RNF216: variants seen among roughly 807,000 people sequenced by gnomAD.
RNF216 encodes ring finger protein 216.
A neutral mutation model predicts 110.8 loss-of-function variants in RNF216; 72 were observed. The ratio of observed to expected loss-of-function variants is 0.65; its 90% CI spans 0.54 to 0.79. The LOEUF (loss-of-function observed/expected upper bound fraction) is 0.79, where lower values mean the gene tolerates loss of function less well. RNF216 is among the 30% of genes least tolerant of loss of function. The pLI, the probability that RNF216 is intolerant of heterozygous loss-of-function variation, is 0.00. For missense variants in RNF216, 1,342 were observed against 1,141.2 expected (o/e 1.18, Z -2.54); for synonymous variants, 495 against 407.5 (o/e 1.21, Z -2.59).
intron 1 of RNF216, chr7:5,766,923 G>C (rs1327888515): frequency 6.6e-6 from 1 of 152,162 alleles, no homozygotes; most frequent in African/African-American, 2.4e-5. Flanking sequence ...TAATGTCCTT[G>C]GGTCCTGTTC....
At chr7:5,762,433 G>A (rs554329131) in intron 1 of RNF216, among the ~76,000 whole-genome samples, 1 of 151,180 alleles carries the variant, frequency 6.6e-6, no homozygotes, top group Non-Finnish European at 1.5e-5. Context: ...TGAGATAGGC[G>A]GATCATGAGG....
chr7:5,638,232 T>G (rs1787515880), intron 15 of RNF216, among the ~76,000 whole-genome samples: 1 of 152,258 alleles, frequency 6.6e-6, no homozygotes, highest in Non-Finnish European at 1.5e-5. Flanking sequence ...TTTTAAAGTG[T>G]AGATATATAT....
intron 1 of RNF216, among the ~76,000 whole-genome samples, chr7:5,773,843 A>T (rs1336857454): frequency 1.3e-5 from 2 of 152,218 alleles, no homozygotes; most frequent in African/African-American, 2.4e-5. Flanking sequence ...CTGGGATAAC[A>T]GGCGAGTCAC....
Position 5,766,421 on chromosome 7 carries a change from T to C in RNF216, c.-69-5283A>G, listed in dbSNP as rs1037300625. ...CCTCCAATATAATGGTATTTGGAGA[T>C]GGAGTCTGTGGGAGGTGATTAGAAT... On this transcript the variant is annotated intron_variant, in intron 1 of 16. Coordinates refer to ENST00000389902, the MANE Select transcript of RNF216 (RefSeq NM_207111.4). Among the ~76,000 whole-genome samples the C allele has an allele frequency of 4.0e-5, 6 of 151,772 alleles. 1 individual carries two copies. Among genetic ancestry groups the C allele is most frequent in the Admixed American group, 3.3e-4 (5 of 15,260 alleles).
intron 15 of RNF216, among the ~76,000 whole-genome samples, chr7:5,627,769 T>A (rs1348690974): frequency 6.6e-6 from 1 of 150,566 alleles, no homozygotes; most frequent in Non-Finnish European, 1.5e-5. Context: ...GACTAGCCAC[T>A]AACCCCCTTT....
chr7:5,732,038 G>C (rs28380174), intron 5 of RNF216, among the ~76,000 whole-genome samples: 23,131 of 151,952 alleles, frequency 0.15, 4,305 homozygotes, highest in African/African-American at 0.44. Flanking sequence ...TAAGCTCCCC[G>C]CTTCCCTACC....
At chr7:5,726,955 A>G (rs1562434892) in intron 7 of RNF216, among the ~76,000 whole-genome samples, 1 of 152,016 alleles carries the variant, frequency 6.6e-6, no homozygotes, top group Admixed American at 6.6e-5. Context: ...GTGTGAGGTA[A>G]GGCCATTCCG....
Position 5,696,379 on chromosome 7 carries a change from T to A in RNF216, c.2061+15382A>T, listed in dbSNP as rs959973299. Among the ~76,000 whole-genome samples the A allele has an allele frequency of 6.6e-6, 1 of 152,200 alleles. No homozygotes were observed. Among genetic ancestry groups the A allele is most frequent in the African/African-American group, 2.4e-5 (1 of 41,446 alleles). On this transcript the variant is annotated intron_variant, in intron 13 of 16. Transcript: ENST00000389902. This position sits in a 1 kb window ranked among gnomAD's most constrained non-coding sequence, Gnocchi z 5.4. Reference sequence around the variant, plus strand: ...CCTTCGGCTGGAAAACAAGCCTTTTTAAATGACTGGGAAAAAACTTGTGAA... The same window carrying A: ...CCTTCGGCTGGAAAACAAGCCTTTTAAAATGACTGGGAAAAAACTTGTGAA...
At chr7:5,627,639 C>T (rs933233768) in intron 15 of RNF216, among the ~76,000 whole-genome samples, 7 of 151,638 alleles carry the variant, frequency 4.6e-5, no homozygotes, top group Non-Finnish European at 1.0e-4. Flanking sequence ...CCCAGCTACT[C>T]GGGAGGCTGA....
At chr7:5,752,825 G>GT (rs762518586) in intron 3 of RNF216, 21 bp downstream of exon 3, 2 of 1,606,214 alleles carry the variant, frequency 1.2e-6, no homozygotes, top group Non-Finnish European at 1.7e-6. Context: ...ATGTCTCATT[G>GT]TAAGTTTAAA....
rs370421138 is a variant in RNF216, at chr7:5,647,443, C to T, written c.2159+4970G>A. Among the ~76,000 whole-genome samples the T allele has an allele frequency of 1.1e-4, 17 of 151,126 alleles. No individual in the cohort carries two copies. In the East Asian group the frequency reaches 1.2e-3, roughly 10 times the overall value. Reference sequence around the variant, plus strand: ...CGAACTCCTGGGTTCAAGGGATCCTCCTGCCTCAGCCTCCCAAGTAGCTGG... The same window carrying T: ...CGAACTCCTGGGTTCAAGGGATCCTTCTGCCTCAGCCTCCCAAGTAGCTGG... On this transcript the variant is annotated intron_variant, in intron 14 of 16. Coordinates refer to ENST00000389902, the MANE Select transcript of RNF216 (RefSeq NM_207111.4).
chr7:5,764,591 T>C (rs56390377), intron 1 of RNF216, among the ~76,000 whole-genome samples: 11,752 of 150,820 alleles, frequency 0.078, 546 homozygotes, highest in East Asian at 0.12. Flanking sequence ...GAGGTTGCAG[T>C]AGGCCAAGAT....
intron 14 of RNF216, among the ~76,000 whole-genome samples, chr7:5,651,958 AAGTG>A (rs1024631924): frequency 3.3e-5 from 5 of 152,182 alleles, no homozygotes; most frequent in South Asian, 2.1e-4. Flanking sequence ...GCATTTTAAT[AAGTG>A]AGTATTTGTA....
rs933303534 is a variant in RNF216, at chr7:5,696,513, C to T, written c.2061+15248G>A. On this transcript the variant is annotated intron_variant, in intron 13 of 16. Transcript: ENST00000389902. This position sits in a 1 kb window ranked among gnomAD's most constrained non-coding sequence, Gnocchi z 5.4. The stretch of plus-strand genomic sequence containing the variant: ...TGCCCAATGATCTACTCCAGGGCAC[C>T]CACACACACCACAGGAAGGAGGAGC... Among the ~76,000 whole-genome samples, 3 of 152,108 alleles carry T rather than the reference C, an allele frequency of 2.0e-5. No individual in the cohort carries two copies. Among genetic ancestry groups the T allele is most frequent in the Non-Finnish European group, 4.4e-5 (3 of 68,012 alleles).
intron 13 of RNF216, among the ~76,000 whole-genome samples, chr7:5,670,431 T>G (rs1789830932): frequency 6.6e-6 from 1 of 152,034 alleles, no homozygotes; most frequent in Admixed American, 6.6e-5. Flanking sequence ...TAGAGGAGAG[T>G]GCTGAACTGG....
chr7:5,637,831 G>C (rs1430473822), intron 15 of RNF216, among the ~76,000 whole-genome samples: 1 of 152,224 alleles, frequency 6.6e-6, no homozygotes, highest in African/African-American at 2.4e-5. Flanking sequence ...ATGAGCCACT[G>C]CACCAGGCCA....
chr7:5,720,810 C>G (rs952074896), intron 9 of RNF216, among the ~76,000 whole-genome samples: 9 of 152,184 alleles, frequency 5.9e-5, no homozygotes, highest in African/African-American at 2.2e-4. Context: ...AATAGATACA[C>G]TAAGCTCCAA....
At chr7:5,750,998 C>CTCCT (rs1795299887) in intron 3 of RNF216, among the ~76,000 whole-genome samples, 1 of 152,238 alleles carries the variant, frequency 6.6e-6, no homozygotes, top group African/African-American at 2.4e-5. Flanking sequence ...ACAAGGTAGA[C>CTCCT]TCCTTGTCTA....
At chr7:5,700,770 G>A (rs969838729) in intron 13 of RNF216, among the ~76,000 whole-genome samples, 2 of 152,114 alleles carry the variant, frequency 1.3e-5, no homozygotes, top group Non-Finnish European at 2.9e-5. Context: ...CTTCCACAAG[G>A]ACAGTCCAAG....
Sources: gnomAD v4.1 joint callset for allele counts (sites outside exome capture counted in the v4.1 genomes callset) on GRCh38, gnomAD v4.1.1 for gene constraint, Gnocchi (gnomAD v3.1) non-coding constraint, MANE v1.5 for transcripts, NCBI Gene and HGNC (gene_info 2026-07-23, HGNC 2026-07-21) for gene names.